The following PTDSS1 variants were observed in gnomAD, a reference collection of about 807,000 sequenced individuals.
The protein encoded by PTDSS1 is PSS-1.
A neutral mutation model predicts 70.5 loss-of-function variants in PTDSS1; 45 were observed. The observed-to-expected ratio is 0.64, with a 90% CI of 0.50 to 0.82. The LOEUF (loss-of-function observed/expected upper bound fraction) is 0.82. PTDSS1 is among the 40% of genes least tolerant of loss of function. The pLI is 0.00. For synonymous variants in PTDSS1, 188 were observed against 203.8 expected, an observed-to-expected ratio of 0.92 and a Z score of 0.66; for missense variants, 417 against 586.1, an observed-to-expected ratio of 0.71 and a Z score of 2.98.
At chr8:96,308,002 G>C (rs1222803897) in intron 8 of PTDSS1, among the ~76,000 whole-genome samples, 1 of 152,180 alleles carries the variant, frequency 6.6e-6, no homozygotes, top group African/African-American at 2.4e-5. Flanking sequence ...GTTTGAGGCA[G>C]TTCCCATGTA....
At chr8:96,311,046 T>A (rs1006928546) in intron 9 of PTDSS1, among the ~76,000 whole-genome samples, 3 of 152,138 alleles carry the variant, frequency 2.0e-5, no homozygotes, top group South Asian at 2.1e-4. Flanking sequence ...GATTACAGGC[T>A]TGAGCCACTG....
intron 9 of PTDSS1, among the ~76,000 whole-genome samples, chr8:96,311,415 C>T (rs1347097267): frequency 6.6e-6 from 1 of 152,162 alleles, no homozygotes; most frequent in African/African-American, 2.4e-5. Context: ...AAAAGTAATA[C>T]ATGCACAATG....
At chr8:96,287,728 G>A (rs1233605848) in intron 4 of PTDSS1, among the ~76,000 whole-genome samples, 2 of 148,368 alleles carry the variant, frequency 1.3e-5, no homozygotes, top group Non-Finnish European at 3.0e-5. Flanking sequence ...TATTTCATTT[G>A]TTACTATTAT....
intron 7 of PTDSS1, 45 bp from the exon 8 acceptor site, chr8:96,306,399 A>T (rs1811124717): frequency 7.3e-7 from 1 of 1,369,230 alleles, no homozygotes; most frequent in East Asian, 2.3e-5. Flanking sequence ...AGGATTTTGA[A>T]TTAGCATGAG....
chr8:96,296,655 C>A (rs1810980346), intron 5 of PTDSS1, among the ~76,000 whole-genome samples: 1 of 152,160 alleles, frequency 6.6e-6, no homozygotes, highest in Non-Finnish European at 1.5e-5. Flanking sequence ...ATAATAGTGC[C>A]CAACACTTTA....
intron 9 of PTDSS1, among the ~76,000 whole-genome samples, chr8:96,314,435 A>AGG (rs11369979): frequency 8.9e-4 from 135 of 152,038 alleles, no homozygotes; most frequent in African/African-American, 2.8e-3. Flanking sequence ...AGATGTTGGG[A>AGG]GGGGGGTCCC....
At chr8:96,272,660 A>G (rs954420082) in intron 1 of PTDSS1, among the ~76,000 whole-genome samples, 2 of 152,162 alleles carry the variant, frequency 1.3e-5, no homozygotes, top group African/African-American at 4.8e-5. Context: ...TTGCAACCTC[A>G]TTTTGTAAAA....
intron 9 of PTDSS1, among the ~76,000 whole-genome samples, chr8:96,314,811 T>C (rs1811262249): frequency 6.6e-6 from 1 of 152,130 alleles, no homozygotes; most frequent in South Asian, 2.1e-4. Context: ...TTAGCCAGGA[T>C]GGTCTCGATC....
chr8:96,312,056 C>T (rs1563578805), intron 9 of PTDSS1, among the ~76,000 whole-genome samples: 1 of 152,002 alleles, frequency 6.6e-6, no homozygotes, highest in Non-Finnish European at 1.5e-5. Context: ...TATCGATTTA[C>T]GTGTTGAGGG....
intron 3 of PTDSS1, among the ~76,000 whole-genome samples, chr8:96,284,592 A>G (rs568503205): frequency 5.3e-5 from 8 of 152,348 alleles, no homozygotes; most frequent in Admixed American, 1.3e-4. Context: ...AAAGAGAAAG[A>G]CTTCTGACAA....
intron 8 of PTDSS1, among the ~76,000 whole-genome samples, chr8:96,307,060 G>T (rs748562777): frequency 6.6e-6 from 1 of 152,030 alleles, no homozygotes; most frequent in East Asian, 1.9e-4. Context: ...GGGTGTTCCC[G>T]CCATTATTCC....
intron 1 of PTDSS1, among the ~76,000 whole-genome samples, 194 bp from the exon 2 acceptor site, chr8:96,273,105 G>C (rs1810589172): frequency 6.6e-6 from 1 of 152,158 alleles, no homozygotes. Flanking sequence ...GCATTAGTTT[G>C]TTAGTGCCGT....
At chr8:96,269,980 A>G (rs1485265344) in intron 1 of PTDSS1, among the ~76,000 whole-genome samples, 5 of 152,158 alleles carry the variant, frequency 3.3e-5, no homozygotes, top group Admixed American at 1.3e-4. Context: ...GTTTTAAGTT[A>G]TTTAATCCTC....
At chr8:96,281,045 G>A (rs1810728228) in intron 2 of PTDSS1, among the ~76,000 whole-genome samples, 1 of 152,274 alleles carries the variant, frequency 6.6e-6, no homozygotes, top group South Asian at 2.1e-4. Context: ...CTCCTCCTCA[G>A]TTGCATCCCC....
chr8:96,298,295 A>G (rs1465167693), intron 5 of PTDSS1, among the ~76,000 whole-genome samples: 1 of 152,220 alleles, frequency 6.6e-6, no homozygotes, highest in African/African-American at 2.4e-5. Flanking sequence ...TTTATAGCTT[A>G]CAAAATGCTT....
chr8:96,279,377 A>G (rs1406026222), intron 2 of PTDSS1, among the ~76,000 whole-genome samples: 1 of 151,116 alleles, frequency 6.6e-6, no homozygotes, highest in Non-Finnish European at 1.5e-5. Context: ...GTGTCATTTG[A>G]CTTCTCTTTG....
intron 6 of PTDSS1, among the ~76,000 whole-genome samples, 190 bp downstream of exon 6, chr8:96,300,035 T>C (rs1310485308): frequency 6.6e-6 from 1 of 152,154 alleles, no homozygotes; most frequent in East Asian, 1.9e-4. Context: ...ATTTATGATT[T>C]TCTCTCTCTC....
chr8:96,290,137 T>A (rs1050087145), intron 4 of PTDSS1, among the ~76,000 whole-genome samples: 6 of 152,174 alleles, frequency 3.9e-5, no homozygotes, highest in Non-Finnish European at 7.3e-5. Context: ...AGCCGATGGA[T>A]CTCTCTGGCG....
intron 10 of PTDSS1, among the ~76,000 whole-genome samples, chr8:96,322,443 C>T (rs950184034): frequency 1.3e-5 from 2 of 151,978 alleles, no homozygotes; most frequent in Admixed American, 6.6e-5. Flanking sequence ...GGAGGTGGGC[C>T]GGACTTACCC....
Sources: gnomAD v4.1 joint callset for allele counts (sites outside exome capture counted in the v4.1 genomes callset) on GRCh38, gnomAD v4.1.1 for gene constraint, MANE v1.5 for transcripts, NCBI Gene and HGNC (gene_info 2026-07-23, HGNC 2026-07-21) for gene names.